PARVA: variants seen among roughly 807,000 people sequenced by gnomAD.
The protein encoded by PARVA is parvin alpha, also known as alpha-parvin.
Under a neutral mutation model 52.6 loss-of-function variants are expected in PARVA, and 25 were observed. The ratio of observed to expected loss-of-function variants is 0.48; its 90% CI spans 0.35 to 0.66. The LOEUF (loss-of-function observed/expected upper bound fraction) is 0.66, where lower values mean the gene tolerates loss of function less well. Ranked by LOEUF, PARVA falls within the 30% of genes least tolerant of loss-of-function variation. PARVA has a pLI of 0.01. For missense variants in PARVA, 373 were observed against 450.9 expected (o/e 0.83, Z 1.56); for synonymous variants, 185 against 179.1 (o/e 1.03, Z -0.26).
intron 3 of PARVA, among the ~76,000 whole-genome samples, chr11:12,476,073 G>C (rs1432736734): frequency 6.6e-6 from 1 of 152,170 alleles, no homozygotes; most frequent in Non-Finnish European, 1.5e-5. Context: ...GCTACTACTT[G>C]CTCAGGAGAC....
At chr11:12,377,426 C>T (rs1939407621), upstream of PARVA, 1 of 1,373,838 alleles carries the variant, frequency 7.3e-7, no homozygotes, top group Non-Finnish European at 9.3e-7. Flanking sequence ...GGGCGCAAGG[C>T]GCGGCCCCGG....
chr11:12,504,748 C>T (rs971372659), intron 6 of PARVA, among the ~76,000 whole-genome samples: 26 of 143,196 alleles, frequency 1.8e-4, no homozygotes, highest in Non-Finnish European at 9.1e-5. Context: ...AGCTGTGTGT[C>T]ATGGGGTCAG....
At chr11:12,377,474 G>C (rs1389071395), upstream of PARVA, 2 of 1,399,278 alleles carry the variant, frequency 1.4e-6, no homozygotes, top group Non-Finnish European at 1.9e-6. Context: ...CGGCGCGAGG[G>C]AGGGAGCGAG....
chr11:12,526,920 G>C (rs1480941448), intron 12 of PARVA, among the ~76,000 whole-genome samples: 5 of 152,116 alleles, frequency 3.3e-5, no homozygotes, highest in Non-Finnish European at 7.4e-5. Context: ...AGAGAAGGTG[G>C]TGACCAGTAA....
intron 4 of PARVA, chr11:12,480,616 G>C (rs775565496): frequency 2.0e-5 from 3 of 152,046 alleles, no homozygotes; most frequent in Non-Finnish European, 4.4e-5. Flanking sequence ...GCAACCCCAC[G>C]TTAGGCATTG....
intron 5 of PARVA, among the ~76,000 whole-genome samples, chr11:12,497,734 GCT>G (rs1941315931): frequency 2.0e-5 from 3 of 152,192 alleles, no homozygotes; most frequent in African/African-American, 7.2e-5. Flanking sequence ...AAGGAGAGGG[GCT>G]CTGTTTCACT....
At chr11:12,416,470 C>A (rs1322680542) in intron 1 of PARVA, among the ~76,000 whole-genome samples, 1 of 152,154 alleles carries the variant, frequency 6.6e-6, no homozygotes, top group African/African-American at 2.4e-5. Flanking sequence ...GACTTCAAAG[C>A]AAACTCATTT....
At chr11:12,406,115 T>TAC (rs1422585840) in intron 1 of PARVA, among the ~76,000 whole-genome samples, 9 of 152,304 alleles carry the variant, frequency 5.9e-5, no homozygotes, top group East Asian at 1.9e-4. Context: ...AGGGAAGATA[T>TAC]ACACACACAC....
At chr11:12,437,153 G>T (rs984017490) in intron 1 of PARVA, among the ~76,000 whole-genome samples, 1 of 152,128 alleles carries the variant, frequency 6.6e-6, no homozygotes, top group Admixed American at 6.5e-5. Context: ...CAAAGTATCA[G>T]TCTGCAATTA....
At chr11:12,385,708 T>C (rs1327512726) in intron 1 of PARVA, among the ~76,000 whole-genome samples, 1 of 152,234 alleles carries the variant, frequency 6.6e-6, no homozygotes, top group Admixed American at 6.5e-5. Flanking sequence ...TATGTTCCCA[T>C]ATAATTTTAG....
intron 1 of PARVA, among the ~76,000 whole-genome samples, chr11:12,436,367 A>G (rs754240832): frequency 6.6e-6 from 1 of 152,156 alleles, no homozygotes; most frequent in African/African-American, 2.4e-5. Flanking sequence ...GTCTCAGACT[A>G]CGGAAACTAC....
intron 1 of PARVA, among the ~76,000 whole-genome samples, chr11:12,424,400 A>G (rs1940197091): frequency 6.6e-6 from 1 of 152,208 alleles, no homozygotes; most frequent in Admixed American, 6.5e-5. Context: ...TACTGAGAGG[A>G]ACATCTTATG....
chr11:12,526,211 T>C (rs1259316505), intron 12 of PARVA, among the ~76,000 whole-genome samples: 1 of 150,714 alleles, frequency 6.6e-6, no homozygotes, highest in African/African-American at 2.4e-5. Flanking sequence ...CCCCAAAAGC[T>C]ATTGAAATAA....
intron 5 of PARVA, among the ~76,000 whole-genome samples, chr11:12,502,385 T>C (rs1432711774): frequency 6.6e-6 from 1 of 151,996 alleles, no homozygotes; most frequent in Non-Finnish European, 1.5e-5. Context: ...ATGGGCCTAG[T>C]GCATGCGAAG....
chr11:12,397,126 A>C (rs1939759141), intron 1 of PARVA, among the ~76,000 whole-genome samples: 1 of 152,170 alleles, frequency 6.6e-6, no homozygotes, highest in African/African-American at 2.4e-5. Context: ...CATTGCTTGG[A>C]TGTGCCACTC....
intron 1 of PARVA, among the ~76,000 whole-genome samples, chr11:12,427,905 C>T (rs533276826): frequency 6.6e-6 from 1 of 152,304 alleles, no homozygotes; most frequent in African/African-American, 2.4e-5. Context: ...CTGGTCCAGG[C>T]GTGTGTCCCC....
chr11:12,412,085 CCTT>C lies in PARVA; in HGVS notation c.136+34303_136+34305del, dbSNP rs10563398. Among the ~76,000 whole-genome samples the C allele has an allele frequency of 8.8e-3, 1,347 of 152,308 alleles. 17 individuals carry two copies. Among genetic ancestry groups the C allele is most frequent in the African/African-American group, 0.031 (1,286 of 41,552 alleles). ...TCCTCCCTGATGCAATTCCCACTTT[CCTT>C]ACAGAGACTGACACTGTCCCTAGGG... On this transcript the variant is annotated intron_variant, in intron 1 of 12. Transcript: ENST00000334956.
At chr11:12,443,920 G>T (rs1940506619) in intron 1 of PARVA, among the ~76,000 whole-genome samples, 1 of 152,106 alleles carries the variant, frequency 6.6e-6, no homozygotes, top group South Asian at 2.1e-4. Context: ...TGTTGTCTGT[G>T]CTCCCATTTT....
chr11:12,505,892 G>A (rs945507090), intron 6 of PARVA, among the ~76,000 whole-genome samples: 1 of 152,158 alleles, frequency 6.6e-6, no homozygotes, highest in African/African-American at 2.4e-5. Context: ...CCCATAGGTG[G>A]GAGCACAGAG....
Sources: gnomAD v4.1 joint callset for allele counts (sites outside exome capture counted in the v4.1 genomes callset) on GRCh38, gnomAD v4.1.1 for gene constraint, MANE v1.5 for transcripts, NCBI Gene and HGNC (gene_info 2026-07-23, HGNC 2026-07-21) for gene names.